TBC1D9B: variants seen among roughly 807,000 people sequenced by gnomAD.
The protein encoded by TBC1D9B is TBC1 domain family, member 9B (with GRAM domain).
A neutral mutation model predicts 121.1 loss-of-function variants in TBC1D9B; 87 were observed. That is an observed-to-expected ratio of 0.72 (90% CI 0.60 to 0.86). The LOEUF is 0.86. TBC1D9B is among the 40% of genes least tolerant of loss of function. The pLI is 0.00. For synonymous variants in TBC1D9B, 668 were observed against 670.1 expected, an observed-to-expected ratio of 1.00 and a Z score of 0.05; for missense variants, 1,540 against 1,628.6, an observed-to-expected ratio of 0.95 and a Z score of 0.94.
At position 179,867,638 on chromosome 5, in the gene TBC1D9B, G is replaced by A. The variant is rs780966268; in HGVS notation, c.2863+140C>T. ...CCGCCAGCATGGCAGAGCCCAGCCC[G>A]TGGTCCCCTGGGGAGAACCCCATGC... On this transcript the variant is annotated intron_variant, in intron 18 of 20. Coordinates refer to ENST00000355235, the MANE Select transcript of TBC1D9B (RefSeq NM_015043.4). 6.7e-6 allele frequency: 10 copies of A among 1,483,788 alleles called. No individual in the cohort carries two copies. The East Asian group carries it at 7.2e-5, about 11-fold the overall frequency. 91.9% of individuals were successfully genotyped at this position (1,483,788 alleles called of 1,614,324 possible).
chr5:179,889,186 C>T (rs182803080), intron 6 of TBC1D9B, among the ~76,000 whole-genome samples: 57 of 152,224 alleles, frequency 3.7e-4, no homozygotes, highest in African/African-American at 8.9e-4. Context: ...CCCACCACCA[C>T]GCCCGGCTAA....
chr5:179,867,389 A>C (rs371443899), intron 18 of TBC1D9B: 58 of 1,476,300 alleles, frequency 3.9e-5, no homozygotes, highest in African/African-American at 2.4e-4. Flanking sequence ...GCTTCCTGAT[A>C]GTGCAGGAAG....
chr5:179,876,606 G>A (rs970750856), intron 10 of TBC1D9B, among the ~76,000 whole-genome samples: 5 of 152,132 alleles, frequency 3.3e-5, no homozygotes, highest in African/African-American at 1.2e-4. Flanking sequence ...CAAAAGCTGC[G>A]AGAAATGCTA....
chr5:179,897,129 G>A (rs539355118), intron 3 of TBC1D9B, among the ~76,000 whole-genome samples: 10 of 151,800 alleles, frequency 6.6e-5, no homozygotes, highest in South Asian at 2.1e-4. Context: ...GGATGGTCTC[G>A]ATCTCCTGAC....
intron 12 of TBC1D9B, among the ~76,000 whole-genome samples, chr5:179,873,603 G>C (rs1054263904): frequency 2.0e-5 from 3 of 152,204 alleles, no homozygotes; most frequent in African/African-American, 4.8e-5. Flanking sequence ...TGGGGATGTG[G>C]GACCTTCTCG....
chr5:179,874,784 TCCAGCTGCAG>T lies in TBC1D9B; in HGVS notation c.2186+108_2186+117del, dbSNP rs1228528267. The T allele has an allele frequency of 9.0e-6, 13 of 1,451,922 alleles. No individual in the cohort carries two copies. The highest frequency in any genetic ancestry group is 1.2e-5 in the Non-Finnish European group (13 of 1,086,464). 89.9% of individuals were successfully genotyped at this position (1,451,922 alleles called of 1,614,324 possible). On this transcript the variant is annotated intron_variant, in intron 12 of 20. Transcript: ENST00000355235. This position sits in a 1 kb window ranked among gnomAD's most constrained non-coding sequence, Gnocchi z 4.3. ...CTCCTGACCCCAGAGCACCCCCGGG[TCCAGCTGCAG>T]CCTGGCACTTGGTGGGCACAGTCAC...
At chr5:179,864,974 G>A (rs1010520359) in intron 20 of TBC1D9B, among the ~76,000 whole-genome samples, 3 of 152,238 alleles carry the variant, frequency 2.0e-5, no homozygotes, top group African/African-American at 7.2e-5. Flanking sequence ...GCAGGGTGTG[G>A]AACGCATATC....
chr5:179,905,454 T>C (rs1582110646), intron 1 of TBC1D9B, among the ~76,000 whole-genome samples: 1 of 152,246 alleles, frequency 6.6e-6, no homozygotes, highest in East Asian at 1.9e-4. Flanking sequence ...AAATCATAAC[T>C]GAAGAAGTCG....
At position 179,875,006 on chromosome 5, in the gene TBC1D9B, C is replaced by A; in HGVS notation, c.2082G>T (p.Glu694Asp). 6.2e-7 allele frequency: 1 copy of A among 1,614,040 alleles called. No homozygotes were observed. Among genetic ancestry groups the A allele is most frequent in the African/African-American group, 1.3e-5 (1 of 75,068 alleles). ...CCACCTGCAGGATCACCTTGATGCCCTCATAGAAAAAGCAGTCGACGATGA... is the reference window on the plus strand; with the variant it reads ...CCACCTGCAGGATCACCTTGATGCCATCATAGAAAAAGCAGTCGACGATGA... ...AVVIVDCFFYEGIKVILQVAL... is the reference protein window; with the variant it reads ...AVVIVDCFFYDGIKVILQVAL... The change falls in exon 12 of 21, where the codon GAG becomes GAT. Residue 694 changes from glutamate to aspartate, a missense_variant. Glu to Asp is a conservative substitution (Grantham distance 45, BLOSUM62 2). Coordinates refer to ENST00000355235, the MANE Select transcript of TBC1D9B (RefSeq NM_015043.4). This position sits in a 1 kb window ranked among gnomAD's most constrained non-coding sequence, Gnocchi z 4.5.
chr5:179,866,054 C>G, intron 18 of TBC1D9B, 166 bp from the exon 19 acceptor site: 1 of 723,686 alleles, frequency 1.4e-6, no homozygotes, highest in Non-Finnish European at 2.3e-6. Flanking sequence ...CCGCCCAGCC[C>G]CGCCCTATGG....
chr5:179,893,181 C>A, intron 5 of TBC1D9B, 28 bp downstream of exon 5: 1 of 1,575,486 alleles, frequency 6.3e-7, no homozygotes, highest in South Asian at 1.1e-5. Context: ...CTCACATGAG[C>A]CCACCCCAGC....
chr5:179,888,797 G>A (rs902284484), intron 6 of TBC1D9B, among the ~76,000 whole-genome samples: 1 of 152,152 alleles, frequency 6.6e-6, no homozygotes, highest in Non-Finnish European at 1.5e-5. Context: ...AGACGGACGA[G>A]GGATGCACCA....
chr5:179,900,826 C>T (rs77288186), intron 2 of TBC1D9B, among the ~76,000 whole-genome samples: 2,002 of 152,272 alleles, frequency 0.013, 50 homozygotes, highest in East Asian at 0.076. Context: ...AGCACTACGG[C>T]ACTATGCTCG....
chr5:179,904,838 AG>A lies in TBC1D9B; in HGVS notation c.119-27del, dbSNP rs2113654737. The stretch of plus-strand genomic sequence containing the variant: ...CTGGGAACAGGGCAGAGAGACATAG[AG>A]GGTGAGGGGAGGGCCGGACTGAGGC... On this transcript the variant is annotated intron_variant, in intron 1 of 20. Coordinates refer to ENST00000355235, the MANE Select transcript of TBC1D9B (RefSeq NM_015043.4). The surrounding 1 kb of genome is among the most constrained non-coding windows in gnomAD (Gnocchi z 4.2). 2 of 1,531,256 alleles carry A rather than the reference AG, an allele frequency of 1.3e-6. No homozygotes were observed. Among genetic ancestry groups the A allele is most frequent in the South Asian group, 1.2e-5 (1 of 82,900 alleles). 94.9% of individuals were successfully genotyped at this position (1,531,256 alleles called of 1,614,324 possible).
chr5:179,894,598 T>C lies in TBC1D9B; in HGVS notation c.365A>G (p.Glu122Gly), dbSNP rs923600330. ...TCCCTGGGGCTGCAGGTTCTTGTTC[T>C]CTTCTGCGATGATTCCCTGGAGGAA... ...KGKIHGIIAEENKNLQPQGDE... is the reference protein window; with the variant it reads ...KGKIHGIIAEGNKNLQPQGDE... Residue 122 changes from glutamate (E) to glycine (G), a missense_variant, in exon 4 of 21, where the codon GAG becomes GGG. Physicochemically the swap from Glu to Gly is moderately conservative, Grantham distance 98. Transcript: ENST00000355235. 4 of 1,614,082 alleles carry C rather than the reference T, an allele frequency of 2.5e-6. No individual in the cohort carries two copies. The highest frequency in any genetic ancestry group is 3.4e-6 in the Non-Finnish European group (4 of 1,180,032).
chr5:179,896,214 C>T (rs989344521), intron 3 of TBC1D9B, among the ~76,000 whole-genome samples: 1 of 152,212 alleles, frequency 6.6e-6, no homozygotes, highest in Non-Finnish European at 1.5e-5. Flanking sequence ...AGTCACCTAT[C>T]CAAGTTTCTC....
chr5:179,896,394 C>T (rs1761018272), intron 3 of TBC1D9B, among the ~76,000 whole-genome samples: 1 of 152,260 alleles, frequency 6.6e-6, no homozygotes, highest in South Asian at 2.1e-4. Context: ...CTCCAAAGTG[C>T]TGGGATTACA....
At position 179,873,164 on chromosome 5, in the gene TBC1D9B, G is replaced by C; in HGVS notation, c.2271C>G (p.Pro757=). The C allele has an allele frequency of 1.2e-6, 2 of 1,613,138 alleles. No individual in the cohort carries two copies. Among genetic ancestry groups the C allele is most frequent in the Non-Finnish European group, 1.7e-6 (2 of 1,179,692 alleles). ...GCTCAAAGATGTCCACCTCTGCAGGGGGGTCATCGCTGCTGCTCAGCAAGG... is the reference window on the plus strand; with the variant it reads ...GCTCAAAGATGTCCACCTCTGCAGGCGGGTCATCGCTGCTGCTCAGCAAGG... ...LRALLSSSDD[P]PAEVDIFELL... The change falls in exon 13 of 21, where the codon CCC becomes CCG. Residue 757 remains proline (P), a synonymous_variant. Coordinates refer to ENST00000355235, the MANE Select transcript of TBC1D9B (RefSeq NM_015043.4).
At chr5:179,864,176 C>T (rs1759938200) in intron 20 of TBC1D9B, 48 bp from the exon 21 acceptor site, 1 of 1,519,486 alleles carries the variant, frequency 6.6e-7, no homozygotes, top group African/African-American at 1.4e-5. Context: ...AAAGACCAGT[C>T]AGACGGGGTC....
Sources: allele counts gnomAD v4.1 joint callset (sites outside exome capture counted in the v4.1 genomes callset), GRCh38; gene constraint gnomAD v4.1.1; non-coding constraint Gnocchi (gnomAD v3.1); transcripts MANE v1.5; gene names NCBI Gene and HGNC (gene_info 2026-07-23, HGNC 2026-07-21).